The following LSAMP variants were observed in gnomAD, a reference collection of about 807,000 sequenced individuals.
LSAMP encodes limbic system-associated membrane protein.
A neutral mutation model predicts 38.6 loss-of-function variants in LSAMP; 7 were observed. The observed-to-expected ratio is 0.18, with a 90% CI of 0.10 to 0.34. The LOEUF (loss-of-function observed/expected upper bound fraction) is 0.34. Ranked by LOEUF, LSAMP falls within the 10% of genes least tolerant of loss-of-function variation. LSAMP has a pLI of 1.00. For synonymous variants in LSAMP, 154 were observed against 166.8 expected, an observed-to-expected ratio of 0.92 and a Z score of 0.59; for missense variants, 313 against 420.0, an observed-to-expected ratio of 0.75 and a Z score of 2.23.
chr3:115,949,009 T>A (rs549081682), intron 3 of LSAMP, among the ~76,000 whole-genome samples: 1 of 152,268 alleles, frequency 6.6e-6, no homozygotes, highest in South Asian at 2.1e-4. Context: ...GGCACATGCC[T>A]GTAATCCCAG....
At chr3:116,241,968 C>T (rs139073771) in intron 1 of LSAMP, among the ~76,000 whole-genome samples, 246 of 152,070 alleles carry the variant, frequency 1.6e-3, no homozygotes, top group African/African-American at 5.5e-3. Context: ...CTTGTATTCC[C>T]GGAAATATGA....
At chr3:116,010,550 G>C (rs1043601873) in intron 3 of LSAMP, among the ~76,000 whole-genome samples, 1 of 152,164 alleles carries the variant, frequency 6.6e-6, no homozygotes, top group Non-Finnish European at 1.5e-5. Flanking sequence ...AACAATTGCT[G>C]ATAATAAATG....
At chr3:115,927,894 T>C (rs952322868) in intron 3 of LSAMP, among the ~76,000 whole-genome samples, 6 of 152,204 alleles carry the variant, frequency 3.9e-5, no homozygotes, top group African/African-American at 1.4e-4. Flanking sequence ...CTCGAGACCA[T>C]TACTATGCTC....
chr3:116,212,285 T>C (rs911370753), intron 1 of LSAMP, among the ~76,000 whole-genome samples: 3 of 152,218 alleles, frequency 2.0e-5, no homozygotes, highest in African/African-American at 7.2e-5. Context: ...AATAAATTAC[T>C]CCCTAAACAA....
chr3:116,383,258 C>T (rs1227424985), intron 1 of LSAMP, among the ~76,000 whole-genome samples: 1 of 152,118 alleles, frequency 6.6e-6, no homozygotes, highest in Non-Finnish European at 1.5e-5. Context: ...TCTACTCCCT[C>T]TTCTAAATCT....
intron 6 of LSAMP, among the ~76,000 whole-genome samples, chr3:115,827,196 T>C (rs976760360): frequency 6.6e-6 from 1 of 152,136 alleles, no homozygotes; most frequent in Admixed American, 6.5e-5. Context: ...CCCACACGTA[T>C]AGTTGAAAAA....
intron 3 of LSAMP, among the ~76,000 whole-genome samples, chr3:115,968,563 C>G (rs570686084): frequency 6.6e-6 from 1 of 152,078 alleles, no homozygotes; most frequent in South Asian, 2.1e-4. Context: ...GAGCTGATAC[C>G]CAAGTTGCAA....
intron 1 of LSAMP, among the ~76,000 whole-genome samples, chr3:116,383,866 C>T (rs2048592528): frequency 6.6e-6 from 1 of 152,074 alleles, no homozygotes; most frequent in Non-Finnish European, 1.5e-5. Context: ...ATTATGAGAA[C>T]ATTAGCAGGG....
At chr3:115,815,273 G>A (rs145679148) in intron 6 of LSAMP, among the ~76,000 whole-genome samples, 33 of 152,248 alleles carry the variant, frequency 2.2e-4, no homozygotes, top group African/African-American at 7.9e-4. Context: ...TCATACGTAT[G>A]TATATGAAAA....
At chr3:116,105,186 A>AC (rs1708436216) in intron 1 of LSAMP, among the ~76,000 whole-genome samples, 1 of 151,930 alleles carries the variant, frequency 6.6e-6, no homozygotes, top group Non-Finnish European at 1.5e-5. Flanking sequence ...GGAAAAAAAA[A>AC]AAAACTGCCA....
chr3:115,844,107 T>C (rs1935082882), intron 4 of LSAMP, among the ~76,000 whole-genome samples: 3 of 152,334 alleles, frequency 2.0e-5, no homozygotes, highest in Admixed American at 2.0e-4. Flanking sequence ...ACCTATAAAA[T>C]GAGGGAATCC....
chr3:116,422,544 A>G (rs993792172), intron 1 of LSAMP, among the ~76,000 whole-genome samples: 1 of 152,210 alleles, frequency 6.6e-6, no homozygotes. Flanking sequence ...GAACAACTGT[A>G]TATAGAAACA....
At chr3:116,389,469 T>C (rs1163500217) in intron 1 of LSAMP, among the ~76,000 whole-genome samples, 1 of 152,200 alleles carries the variant, frequency 6.6e-6, no homozygotes, top group Non-Finnish European at 1.5e-5. Flanking sequence ...GGATCATCCA[T>C]GATTTCCCCC....
intron 1 of LSAMP, among the ~76,000 whole-genome samples, chr3:116,428,265 C>T (rs1474330328): frequency 6.6e-6 from 1 of 152,076 alleles, no homozygotes; most frequent in Non-Finnish European, 1.5e-5. Flanking sequence ...CAAGACCATC[C>T]TGGCCAACAT....
intron 1 of LSAMP, among the ~76,000 whole-genome samples, chr3:116,158,721 C>A (rs191748811): frequency 6.6e-6 from 1 of 152,152 alleles, no homozygotes; most frequent in Admixed American, 6.5e-5. Context: ...TATGGAAAAA[C>A]ATTTCATGCT....
chr3:115,908,227 T>TTA (rs550487861), intron 3 of LSAMP, among the ~76,000 whole-genome samples: 23 of 151,884 alleles, frequency 1.5e-4, no homozygotes, highest in Admixed American at 1.3e-4. Context: ...TCCCCTCAGT[T>TTA]TATATATATA....
intron 3 of LSAMP, among the ~76,000 whole-genome samples, chr3:115,864,284 G>C (rs758971101): frequency 6.6e-6 from 1 of 152,104 alleles, no homozygotes; most frequent in African/African-American, 2.4e-5. Flanking sequence ...TTTGATCCTT[G>C]TTACTGGCAG....
chr3:115,859,571 C>T (rs1333260638), intron 3 of LSAMP, among the ~76,000 whole-genome samples: 1 of 152,140 alleles, frequency 6.6e-6, no homozygotes, highest in Non-Finnish European at 1.5e-5. Flanking sequence ...GTGGATTATG[C>T]AAATTGGCCC....
intron 3 of LSAMP, among the ~76,000 whole-genome samples, chr3:115,933,017 G>C (rs1308685690): frequency 6.6e-6 from 1 of 152,134 alleles, no homozygotes; most frequent in Non-Finnish European, 1.5e-5. Context: ...ATGTTTCAGG[G>C]GGAAGAAAGA....
Sources: gnomAD v4.1 joint callset for allele counts (sites outside exome capture counted in the v4.1 genomes callset) on GRCh38, gnomAD v4.1.1 for gene constraint, MANE v1.5 for transcripts, NCBI Gene and HGNC (gene_info 2026-07-23, HGNC 2026-07-21) for gene names.